Variants in FRMD4A observed in about 807,000 individuals in gnomAD.
FRMD4A encodes the protein FERM domain-containing protein 4A.
A neutral mutation model predicts 129.1 loss-of-function variants in FRMD4A; 29 were observed. That is an observed-to-expected ratio of 0.22 (90% confidence interval 0.17 to 0.31). The LOEUF (loss-of-function observed/expected upper bound fraction) is 0.31, where lower values mean the gene tolerates loss of function less well. Ranked by LOEUF, FRMD4A falls within the 10% of genes least tolerant of loss-of-function variation. The pLI, the probability that FRMD4A is intolerant of heterozygous loss-of-function variation, is 1.00. For missense variants in FRMD4A, 1,272 were observed against 1,375.8 expected (o/e 0.92, Z 1.19); for synonymous variants, 634 against 571.6 (o/e 1.11, Z -1.56).
chr10:14,261,554 A>C (rs1366749686), intron 2 of FRMD4A, among the ~76,000 whole-genome samples: 1 of 152,154 alleles, frequency 6.6e-6, no homozygotes, highest in African/African-American at 2.4e-5. Flanking sequence ...AACAGCTGCT[A>C]TTCTCCAATA....
At chr10:14,035,919 G>A (rs1190476799) in intron 2 of FRMD4A, among the ~76,000 whole-genome samples, 1 of 151,972 alleles carries the variant, frequency 6.6e-6, no homozygotes, top group Non-Finnish European at 1.5e-5. Flanking sequence ...GTTGGCGCCT[G>A]TAATCCCAGC....
chr10:13,742,719 A>G (rs1442301049), intron 9 of FRMD4A, among the ~76,000 whole-genome samples: 3 of 151,842 alleles, frequency 2.0e-5, no homozygotes, highest in African/African-American at 7.3e-5. Context: ...GTTTCACCAC[A>G]TTGACCAGGC....
intron 6 of FRMD4A, among the ~76,000 whole-genome samples, chr10:13,764,321 G>A (rs1290790711): frequency 6.6e-6 from 1 of 151,628 alleles, no homozygotes; most frequent in Admixed American, 6.6e-5. Flanking sequence ...CCTGGTCAAC[G>A]TGGCGAAACC....
intron 14 of FRMD4A, among the ~76,000 whole-genome samples, chr10:13,696,800 G>C (rs1031760033): frequency 1.3e-5 from 2 of 152,044 alleles, no homozygotes; most frequent in Non-Finnish European, 2.9e-5. Flanking sequence ...AATCACTATC[G>C]GACTTTGACC....
chr10:14,060,284 C>G (rs1834745517), intron 2 of FRMD4A, among the ~76,000 whole-genome samples: 1 of 152,214 alleles, frequency 6.6e-6, no homozygotes, highest in Non-Finnish European at 1.5e-5. Flanking sequence ...AGATTGGATT[C>G]TCATGGTCCA....
intron 2 of FRMD4A, among the ~76,000 whole-genome samples, chr10:14,098,197 C>T (rs1163716804): frequency 6.7e-6 from 1 of 149,300 alleles, no homozygotes; most frequent in Non-Finnish European, 1.5e-5. Context: ...AGAATACTCT[C>T]ACTGGATTAT....
At chr10:13,676,877 G>A (rs541340868) in intron 15 of FRMD4A, among the ~76,000 whole-genome samples, 1 of 152,228 alleles carries the variant, frequency 6.6e-6, no homozygotes, top group Admixed American at 6.5e-5. Context: ...CTTTTGGTAG[G>A]AAGATGAAAA....
chr10:14,147,136 C>T (rs991840952), intron 2 of FRMD4A, among the ~76,000 whole-genome samples: 3 of 152,070 alleles, frequency 2.0e-5, no homozygotes, highest in Admixed American at 6.5e-5. Flanking sequence ...ATTATCTTTT[C>T]GAAAAGGAAC....
chr10:13,810,765 T>A, intron 4 of FRMD4A, 49 bp downstream of exon 4: 1 of 1,004,178 alleles, frequency 1.0e-6, no homozygotes, highest in Non-Finnish European at 1.6e-6. Flanking sequence ...AGTTTCGGGT[T>A]CTGCACTGAC....
intron 5 of FRMD4A, among the ~76,000 whole-genome samples, chr10:13,787,739 C>A (rs1024010753): frequency 2.4e-4 from 36 of 151,806 alleles, no homozygotes; most frequent in Non-Finnish European, 1.0e-4. Context: ...GGTTACAGGC[C>A]AGCCTCTTCT....
intron 2 of FRMD4A, among the ~76,000 whole-genome samples, chr10:14,163,519 C>T (rs1277937320): frequency 6.6e-6 from 1 of 152,190 alleles, no homozygotes; most frequent in African/African-American, 2.4e-5. Context: ...CTGAATGGGT[C>T]GCTTTGTCTT....
chr10:14,210,353 C>T lies in FRMD4A; in HGVS notation c.45+119705G>A, dbSNP rs563809060. On this transcript the variant is annotated intron_variant, in intron 2 of 24. Coordinates refer to ENST00000357447, the MANE Select transcript of FRMD4A (RefSeq NM_018027.5). Reference sequence around the variant, plus strand: ...TGCTGGCGCCTTGGTCTTGGACTTCCCAGCCCCAGAACTGGGAGACATTCC... The same window carrying T: ...TGCTGGCGCCTTGGTCTTGGACTTCTCAGCCCCAGAACTGGGAGACATTCC... Among the ~76,000 whole-genome samples, 22 of 152,240 alleles carry T rather than the reference C, an allele frequency of 1.4e-4. No homozygotes were observed. The South Asian group carries it at 4.6e-3, about 32-fold the overall frequency.
At chr10:13,844,704 T>C (rs1172154719) in intron 3 of FRMD4A, among the ~76,000 whole-genome samples, 1 of 152,262 alleles carries the variant, frequency 6.6e-6, no homozygotes, top group Admixed American at 6.5e-5. Context: ...TGGCATTTCC[T>C]GGAGAATGTG....
chr10:13,972,220 G>A (rs2095522750), intron 2 of FRMD4A: 2 of 1,007,354 alleles, frequency 2.0e-6, no homozygotes, highest in Non-Finnish European at 2.4e-6. Context: ...CCCCTCCAGG[G>A]TGAGAAAGCT....
At chr10:13,859,818 C>T (rs1324379678) in intron 2 of FRMD4A, among the ~76,000 whole-genome samples, 1 of 151,622 alleles carries the variant, frequency 6.6e-6, no homozygotes, top group East Asian at 1.9e-4. Context: ...GCAAATCCAA[C>T]CCCGTCCCTT....
At position 13,915,868 on chromosome 10, in the gene FRMD4A, C is replaced by T. The variant is rs141158911; in HGVS notation, c.46-56956G>A. Among the ~76,000 whole-genome samples the T allele has an allele frequency of 6.5e-3, 993 of 152,206 alleles. 3 individuals are homozygous for T. Among genetic ancestry groups the T allele is most frequent in the South Asian group, 0.014 (70 of 4,828 alleles). The stretch of plus-strand genomic sequence containing the variant: ...CCTGCTCCCTGTGGGCGGTTGGCCT[C>T]CTGACCTCTGAGGTCCCTTCTGGCT... On this transcript the variant is annotated intron_variant, in intron 2 of 24. Coordinates refer to ENST00000357447, the MANE Select transcript of FRMD4A (RefSeq NM_018027.5).
chr10:13,964,648 C>G (rs199968148), intron 2 of FRMD4A, among the ~76,000 whole-genome samples: 9 of 150,920 alleles, frequency 6.0e-5, no homozygotes, highest in Middle Eastern at 3.4e-3. Flanking sequence ...TAATTGTCAT[C>G]AGTTACAACT....
rs2094837699 is a variant in FRMD4A, at chr10:13,902,857, A to AG, written c.46-43946_46-43945insC. Among the ~76,000 whole-genome samples, 2 of 150,440 alleles carry AG rather than the reference A, an allele frequency of 1.3e-5. 1 individual carries two copies. The highest frequency in any genetic ancestry group is 4.2e-4 in the South Asian group (2 of 4,774). The stretch of plus-strand genomic sequence containing the variant: ...GCAGTCTCAAAAAAAAAAAAAAAAA[A>AG]CAACAACAAACAACAGATTCTTGAG... On this transcript the variant is annotated intron_variant, in intron 2 of 24. Transcript: ENST00000357447.
At chr10:14,203,220 G>A (rs910455712) in intron 2 of FRMD4A, among the ~76,000 whole-genome samples, 2 of 152,066 alleles carry the variant, frequency 1.3e-5, no homozygotes, top group Admixed American at 1.3e-4. Context: ...TTTTATTGCA[G>A]CATATATAGA....
Sources: allele counts gnomAD v4.1 joint callset (sites outside exome capture counted in the v4.1 genomes callset), GRCh38; gene constraint gnomAD v4.1.1; transcripts MANE v1.5; gene names NCBI Gene and HGNC (gene_info 2026-07-23, HGNC 2026-07-21).